Variants in GRIA3 observed in about 807,000 individuals in gnomAD.
GRIA3 encodes glutamate receptor 3.
Under a neutral mutation model 63.0 loss-of-function variants are expected in GRIA3, and 3 were observed. The ratio of observed to expected loss-of-function variants is 0.05; its 90% CI spans 0.02 to 0.12. The LOEUF is 0.12. GRIA3 is among the 10% of genes least tolerant of loss of function. The pLI is 1.00. For missense variants in GRIA3, 347 were observed against 700.9 expected, an observed-to-expected ratio of 0.50 and a Z score of 5.70; for synonymous variants, 274 against 257.9, an observed-to-expected ratio of 1.06 and a Z score of -0.60.
At chrX:123,356,481 T>A (rs1163256774) in intron 5 of GRIA3, among the ~76,000 whole-genome samples, 1 of 111,511 alleles carries the variant, frequency 9.0e-6, no homozygotes, top group Non-Finnish European at 1.9e-5. Flanking sequence ...GCACGCAAAC[T>A]TTTTTATTTT....
At chrX:123,212,647 T>C (rs950228208) in intron 2 of GRIA3, among the ~76,000 whole-genome samples, 1 of 112,326 alleles carries the variant, frequency 8.9e-6, no homozygotes, top group African/African-American at 3.2e-5. Context: ...TATAACATTT[T>C]ATAAAAACAA....
chrX:123,428,737 A>C (rs1472514892), intron 12 of GRIA3, among the ~76,000 whole-genome samples: 3 of 111,765 alleles, frequency 2.7e-5, no homozygotes, highest in African/African-American at 9.8e-5. Flanking sequence ...AGCTCCTCAT[A>C]GGCAAAATCT....
intron 4 of GRIA3, among the ~76,000 whole-genome samples, chrX:123,329,874 G>T (rs1004308008): frequency 9.0e-6 from 1 of 111,718 alleles, no homozygotes; most frequent in African/African-American, 3.3e-5. Context: ...TGAAAAGGTT[G>T]CCTCTCTGGG....
chrX:123,193,585 CG>C (rs1269847249), intron 2 of GRIA3, among the ~76,000 whole-genome samples: 2 of 111,827 alleles, frequency 1.8e-5, no homozygotes, highest in Non-Finnish European at 3.8e-5. Context: ...AGACCTGAGC[CG>C]AGAACTGCTC....
chrX:123,247,864 G>A lies in GRIA3; in HGVS notation c.269-5439G>A, dbSNP rs186450319. Among the ~76,000 whole-genome samples, 19 of 111,446 alleles carry A rather than the reference G, an allele frequency of 1.7e-4. No individual in the cohort carries two copies. The Admixed American group carries it at 1.8e-3, about 11-fold the overall frequency. On this transcript the variant is annotated intron_variant, in intron 2 of 15. Transcript: ENST00000620443. ...CACAATAGAGCTAACAGAGGGCAAA[G>A]TACACAGAGAGAGAGAGAGAGGTGA...
intron 2 of GRIA3, among the ~76,000 whole-genome samples, chrX:123,238,618 G>A (rs145494617): frequency 0.022 from 2,482 of 112,165 alleles, 69 homozygotes; most frequent in African/African-American, 0.077. Flanking sequence ...TTTCTAGGCT[G>A]TTTCATTTAT....
chrX:123,318,965 A>G (rs1002805249), intron 3 of GRIA3, among the ~76,000 whole-genome samples: 4 of 112,161 alleles, frequency 3.6e-5, no homozygotes, highest in African/African-American at 1.3e-4. Flanking sequence ...GGCAGGAAGC[A>G]AAAGGCACTT....
At chrX:123,432,238 G>A (rs1012131452) in intron 12 of GRIA3, among the ~76,000 whole-genome samples, 1 of 111,906 alleles carries the variant, frequency 8.9e-6, no homozygotes, top group Admixed American at 9.5e-5. Flanking sequence ...ACCTGGCTAA[G>A]GAAAACTCTA....
At chrX:123,268,461 TAATATAAATAATAATATA>T (rs985078931) in intron 3 of GRIA3, among the ~76,000 whole-genome samples, 61 of 108,888 alleles carry the variant, frequency 5.6e-4, no homozygotes, top group African/African-American at 2.0e-3. Context: ...TTCCTTTTGA[TAATATAAATAATAATATA>T]AATATAAATA....
intron 4 of GRIA3, among the ~76,000 whole-genome samples, chrX:123,330,227 T>C (rs946646562): frequency 1.8e-5 from 2 of 112,246 alleles, no homozygotes; most frequent in Non-Finnish European, 3.8e-5. Context: ...ACACCCACTA[T>C]AGGAGGCAGG....
intron 12 of GRIA3, among the ~76,000 whole-genome samples, chrX:123,447,436 T>C (rs1164819421): frequency 3.6e-5 from 4 of 112,180 alleles, no homozygotes; most frequent in African/African-American, 1.3e-4. Context: ...ATAAAGGTGA[T>C]AGCTGTATCA....
Position 123,184,361 on chromosome X carries a change from A to AGGCGGC in GRIA3, c.-171_-166dup, listed in dbSNP as rs1253496620. 4.2e-6 allele frequency: 2 copies of AGGCGGC among 480,003 alleles called. No homozygotes were observed. Among genetic ancestry groups the AGGCGGC allele is most frequent in the Non-Finnish European group, 7.4e-6 (2 of 270,295 alleles). 39.6% of individuals were successfully genotyped at this position (480,003 alleles called of 1,213,427 possible). On this transcript the variant is annotated 5_prime_UTR_variant, in exon 1 of 16. Transcript: ENST00000620443. The stretch of plus-strand genomic sequence containing the variant: ...GAGAGAGAAGAAGAGGAAGAAGAGG[A>AGGCGGC]GGCGGCGGCAGCGGAGGAGGAGGAG...
At chrX:123,291,091 A>G (rs1279782579) in intron 3 of GRIA3, among the ~76,000 whole-genome samples, 2 of 111,453 alleles carry the variant, frequency 1.8e-5, no homozygotes, top group African/African-American at 3.3e-5. Flanking sequence ...CACAGAACAG[A>G]TTAAGCTTTA....
At chrX:123,211,172 A>G (rs1265586289) in intron 2 of GRIA3, among the ~76,000 whole-genome samples, 1 of 110,952 alleles carries the variant, frequency 9.0e-6, no homozygotes, top group Non-Finnish European at 1.9e-5. Context: ...CATCACTTAA[A>G]GACACTCAAA....
chrX:123,406,615 C>G (rs759120890), intron 10 of GRIA3, among the ~76,000 whole-genome samples: 1 of 111,710 alleles, frequency 9.0e-6, no homozygotes, highest in East Asian at 2.8e-4. Flanking sequence ...GAGCACCATC[C>G]TCTAGTCAGA....
chrX:123,407,177 C>G (rs891879044), intron 10 of GRIA3, among the ~76,000 whole-genome samples: 7 of 111,446 alleles, frequency 6.3e-5, no homozygotes, highest in African/African-American at 2.3e-4. Flanking sequence ...CCATTATTAG[C>G]TACCATTTGT....
chrX:123,410,811 T>C (rs1236235323), intron 10 of GRIA3, among the ~76,000 whole-genome samples: 1 of 111,161 alleles, frequency 9.0e-6, no homozygotes, highest in Non-Finnish European at 1.9e-5. Context: ...GTGGGGAAAA[T>C]ATTTCCAGCT....
At chrX:123,243,726 G>A in intron 2 of GRIA3, among the ~76,000 whole-genome samples, 1 of 111,872 alleles carries the variant, frequency 8.9e-6, no homozygotes, top group Non-Finnish European at 1.9e-5. Flanking sequence ...CACCATGAAG[G>A]CAGAGATCTT....
rs754681799 is a variant in GRIA3 at position 123,265,916 on chromosome X, T to C, written c.508+12374T>C. Among the ~76,000 whole-genome samples the C allele has an allele frequency of 1.4e-4, 16 of 111,630 alleles. No homozygotes were observed. The South Asian group carries it at 6.1e-3, about 42-fold the overall frequency. ...GATATCCCAGTAGATCTTAAAACCC[T>C]TCCTGGTAGATCTCCAAGCCAGGGG... On this transcript the variant is annotated intron_variant, in intron 3 of 15. Coordinates refer to ENST00000620443, the MANE Select transcript of GRIA3 (RefSeq NM_007325.5).
Sources: allele counts gnomAD v4.1 joint callset (sites outside exome capture counted in the v4.1 genomes callset), GRCh38; gene constraint gnomAD v4.1.1; transcripts MANE v1.5; gene names NCBI Gene and HGNC (gene_info 2026-07-23, HGNC 2026-07-21).